The following ANKRD31 variants were observed in gnomAD, a reference collection of about 807,000 sequenced individuals.
The protein encoded by ANKRD31 is ankyrin repeat domain 31.
In ANKRD31, 147 loss-of-function variants were observed where a neutral mutation model predicts 186.0. The observed-to-expected ratio is 0.79, with a 90% CI of 0.69 to 0.91. The LOEUF (loss-of-function observed/expected upper bound fraction) is 0.91, where lower values mean the gene tolerates loss of function less well. Among genes scored for constraint, ANKRD31 ranks in the 40% least tolerant of loss-of-function variants. The probability of loss-of-function intolerance (pLI) is 0.00; values close to 1 mark genes in which losing one functional copy is unlikely to be tolerated. For synonymous variants in ANKRD31, 673 were observed against 736.4 expected (o/e 0.91, Z 1.39); for missense variants, 1,986 against 2,148.8 (o/e 0.92, Z 1.50).
intron 1 of ANKRD31, 116 bp from the exon 2 acceptor site, chr5:75,230,751 A>C: frequency 3.2e-6 from 2 of 628,408 alleles, no homozygotes; most frequent in South Asian, 4.6e-5. Flanking sequence ...TTATACCACT[A>C]TTAATGTTTC....
chr5:75,126,675 C>G (rs1383852471), intron 17 of ANKRD31, among the ~76,000 whole-genome samples: 1 of 151,946 alleles, frequency 6.6e-6, no homozygotes, highest in East Asian at 1.9e-4. Flanking sequence ...ATTGTTTTTC[C>G]AAGTGTACCA....
chr5:75,229,206 T>G (rs1450736636), intron 2 of ANKRD31, among the ~76,000 whole-genome samples: 4 of 152,230 alleles, frequency 2.6e-5, no homozygotes, highest in African/African-American at 9.6e-5. Context: ...AGAAGTGGCC[T>G]CAGGATGTTT....
rs1396731735 is a variant in ANKRD31 at position 75,091,346 on chromosome 5, C to G, written c.5387G>C (p.Gly1796Ala). Residue 1796 changes from glycine to alanine, a missense_variant, in exon 23 of 26, where the codon GGT (glycine) becomes GCT (alanine). Gly to Ala is a moderately conservative substitution (Grantham distance 60). Coordinates refer to ENST00000506364, the MANE Select transcript of ANKRD31 (RefSeq NM_001372053.1). The stretch of plus-strand genomic sequence containing the variant: ...GGTGACTGGGTTTTTATAAATCTGA[C>G]CACTTTCTACCTTAAGTTTACCATT... The part of the protein sequence containing the change: ...LLNGKLKVES[G>A]QIYKNPVTWL... 6.5e-7 allele frequency: 1 copy of G among 1,537,046 alleles called. No individual in the cohort carries two copies. The highest frequency in any genetic ancestry group is 2.0e-5 in the Admixed American group (1 of 50,968).
chr5:75,173,712 A>G (rs4704181), intron 10 of ANKRD31, among the ~76,000 whole-genome samples: 16,115 of 152,186 alleles, frequency 0.11, 867 homozygotes, highest in East Asian at 0.14. Context: ...ACTATAAACC[A>G]CTGCTCAATG....
At chr5:75,213,924 A>C (rs1050446108) in intron 3 of ANKRD31, among the ~76,000 whole-genome samples, 3 of 152,222 alleles carry the variant, frequency 2.0e-5, no homozygotes, top group Admixed American at 1.3e-4. Context: ...TCTCCATGAC[A>C]CACTGAATGT....
At chr5:75,203,115 T>C (rs1010540382) in intron 5 of ANKRD31, among the ~76,000 whole-genome samples, 4 of 152,242 alleles carry the variant, frequency 2.6e-5, no homozygotes, top group African/African-American at 9.6e-5. Flanking sequence ...CCTGGCCATG[T>C]GGCACTTTTG....
chr5:75,206,163 G>A lies in ANKRD31; in HGVS notation c.403+248C>T, dbSNP rs1349572444. Among the ~76,000 whole-genome samples the A allele has an allele frequency of 5.0e-5, 7 of 139,036 alleles. No homozygotes were observed. In the South Asian group the frequency reaches 1.2e-3, roughly 24 times the overall value. The allele number at this position is 139,036 out of a possible 152,430, so 91.2% of individuals were successfully genotyped here. ...GAGGCTAAGGCAGGATAATTTGCCTGAGCCCAGGAGGTCAAAGCTAATCTG... is the reference window on the plus strand; with the variant it reads ...GAGGCTAAGGCAGGATAATTTGCCTAAGCCCAGGAGGTCAAAGCTAATCTG... On this transcript the variant is annotated intron_variant, in intron 5 of 25. Coordinates refer to ENST00000506364, the MANE Select transcript of ANKRD31 (RefSeq NM_001372053.1).
At position 75,206,470 on chromosome 5, in the gene ANKRD31, G is replaced by C. The variant is rs2150277552; in HGVS notation, c.344C>G (p.Ser115Ter). ...QALLQTRKNC[S>*]MFIGSFRQSG... The stretch of plus-strand genomic sequence containing the variant: ...CTGGCGAAACGACCCAATGAACATT[G>C]AACAGTTTTTTCTAGTCCTAAAAAA... Residue 115 changes from serine to a stop codon, truncating the protein, a stop_gained, in exon 5 of 26, where the codon TCA becomes TGA. Transcript: ENST00000506364. LOFTEE classifies it high-confidence loss of function. 1 of 1,452,886 alleles carries C rather than the reference G, an allele frequency of 6.9e-7. No individual in the cohort carries two copies. The highest frequency in any genetic ancestry group is 9.0e-7 in the Non-Finnish European group (1 of 1,108,574). 90.0% of individuals were successfully genotyped at this position (1,452,886 alleles called of 1,614,324 possible). A position where few individuals can be genotyped will look rare whatever the true frequency, so the allele number is the denominator to read the frequency against.
intron 2 of ANKRD31, among the ~76,000 whole-genome samples, chr5:75,229,873 A>C (rs1757841077): frequency 9.4e-6 from 1 of 106,224 alleles, no homozygotes; most frequent in Non-Finnish European, 1.7e-5. Flanking sequence ...TCAAAAAAAA[A>C]AAAAAAAAAA....
At chr5:75,209,670 A>G (rs10035303) in intron 4 of ANKRD31, among the ~76,000 whole-genome samples, 1 of 151,910 alleles carries the variant, frequency 6.6e-6, no homozygotes, top group Non-Finnish European at 1.5e-5. Context: ...GACTGAGACT[A>G]TGGTTCAAAA....
At chr5:75,214,131 G>T (rs918391574) in intron 3 of ANKRD31, among the ~76,000 whole-genome samples, 1 of 152,178 alleles carries the variant, frequency 6.6e-6, no homozygotes, top group Admixed American at 6.5e-5. Context: ...CTTTTAGAGC[G>T]TTCCCTCTGG....
chr5:75,222,160 C>T (rs1757340021), intron 3 of ANKRD31, 89 bp downstream of exon 3: 2 of 931,550 alleles, frequency 2.1e-6, no homozygotes, highest in Non-Finnish European at 1.5e-6. Flanking sequence ...AAAATATAGA[C>T]AAAAAGAATT....
intron 11 of ANKRD31, among the ~76,000 whole-genome samples, chr5:75,157,787 C>T (rs1752287480): frequency 6.6e-6 from 1 of 152,126 alleles, no homozygotes; most frequent in Non-Finnish European, 1.5e-5. Context: ...TTTGAAAATG[C>T]TCTGTCTGCA....
chr5:75,102,268 G>A (rs1236770153), intron 22 of ANKRD31, among the ~76,000 whole-genome samples: 1 of 152,230 alleles, frequency 6.6e-6, no homozygotes, highest in Non-Finnish European at 1.5e-5. Context: ...AACAGCAAAT[G>A]TTCCTGCCTG....
intron 20 of ANKRD31, among the ~76,000 whole-genome samples, chr5:75,110,446 T>C (rs1747680260): frequency 6.6e-6 from 1 of 151,856 alleles, no homozygotes; most frequent in Admixed American, 6.6e-5. Context: ...GCGCAGTGGC[T>C]CATGCCTGTA....
At chr5:75,194,062 G>A (rs1580531763) in intron 7 of ANKRD31, among the ~76,000 whole-genome samples, 1 of 152,108 alleles carries the variant, frequency 6.6e-6, no homozygotes, top group East Asian at 1.9e-4. Flanking sequence ...GGTTAACAGT[G>A]TATCAGGAAT....
intron 3 of ANKRD31, among the ~76,000 whole-genome samples, chr5:75,216,825 A>T (rs978794268): frequency 2.6e-5 from 4 of 152,074 alleles, no homozygotes; most frequent in African/African-American, 9.7e-5. Context: ...TTTAAAAAAA[A>T]ATTGAGATCT....
intron 4 of ANKRD31, among the ~76,000 whole-genome samples, chr5:75,208,130 G>A (rs1482283562): frequency 1.3e-5 from 2 of 152,008 alleles, no homozygotes; most frequent in African/African-American, 4.8e-5. Context: ...TTAATGTGTG[G>A]CTTAATGAAA....
intron 11 of ANKRD31, among the ~76,000 whole-genome samples, chr5:75,161,874 A>G (rs573861753): frequency 6.6e-6 from 1 of 152,372 alleles, no homozygotes; most frequent in South Asian, 2.1e-4. Flanking sequence ...TGAGCCTGCA[A>G]GTACACAGAA....
Sources: gnomAD v4.1 joint callset for allele counts (sites outside exome capture counted in the v4.1 genomes callset) on GRCh38, gnomAD v4.1.1 for gene constraint, MANE v1.5 for transcripts, NCBI Gene and HGNC (gene_info 2026-07-23, HGNC 2026-07-21) for gene names.